CRYL1: variants seen among roughly 807,000 people sequenced by gnomAD.
The protein encoded by CRYL1 is lambda-crystallin homolog.
A neutral mutation model predicts 36.6 loss-of-function variants in CRYL1; 29 were observed. That is an observed-to-expected ratio of 0.79 (90% CI 0.59 to 1.08). The LOEUF (loss-of-function observed/expected upper bound fraction) is 1.08. Among genes scored for constraint, CRYL1 ranks in the 50% least tolerant of loss-of-function variants. CRYL1 has a pLI of 0.00. For missense variants in CRYL1, 411 were observed against 407.9 expected, an observed-to-expected ratio of 1.01 and a Z score of -0.06; for synonymous variants, 152 against 151.5, an observed-to-expected ratio of 1.00 and a Z score of -0.02.
At chr13:20,442,103 G>A (rs1275485664) in intron 3 of CRYL1, among the ~76,000 whole-genome samples, 1 of 152,184 alleles carries the variant, frequency 6.6e-6, no homozygotes, top group East Asian at 1.9e-4. Flanking sequence ...AGCCAGAGAC[G>A]AAGAATGATG....
chr13:20,524,411 C>G (rs1456812534), intron 1 of CRYL1, among the ~76,000 whole-genome samples: 2 of 151,504 alleles, frequency 1.3e-5, no homozygotes, highest in African/African-American at 2.4e-5. Flanking sequence ...GAGTTTCGCT[C>G]TTATTGCCCA....
chr13:20,439,527 A>T, intron 4 of CRYL1, 66 bp downstream of exon 4: 1 of 1,088,206 alleles, frequency 9.2e-7, no homozygotes, highest in Non-Finnish European at 1.3e-6. Context: ...AAAAAAAAAA[A>T]AAAGAAAAAA....
intron 2 of CRYL1, among the ~76,000 whole-genome samples, chr13:20,509,684 T>A (rs528759758): frequency 6.6e-6 from 1 of 152,212 alleles, no homozygotes; most frequent in South Asian, 2.1e-4. Flanking sequence ...TCCCAGCACT[T>A]TGGGAGGCCG....
rs548518274 is a variant in CRYL1, at chr13:20,441,367, G to A, written c.277-1613C>T. Among the ~76,000 whole-genome samples the A allele has an allele frequency of 7.2e-5, 11 of 152,224 alleles. 1 individual carries two copies. The highest frequency in any genetic ancestry group is 1.5e-4 in the Non-Finnish European group (10 of 68,014). ...GATTCCTGTTCCCACTAAAGTTTGG[G>A]AACCACTATTCTGAGGTGTGTGTCC... On this transcript the variant is annotated intron_variant, in intron 3 of 7. Transcript: ENST00000298248.
intron 3 of CRYL1, among the ~76,000 whole-genome samples, chr13:20,440,407 G>C (rs770604171): frequency 6.6e-6 from 1 of 152,220 alleles, no homozygotes; most frequent in Non-Finnish European, 1.5e-5. Context: ...TTAAGGATGA[G>C]AAAAGGCTGC....
At chr13:20,460,585 GC>G (rs1282915159) in intron 3 of CRYL1, among the ~76,000 whole-genome samples, 1 of 125,862 alleles carries the variant, frequency 7.9e-6, no homozygotes, top group African/African-American at 3.0e-5. Context: ...GAGTGCAGTG[GC>G]GCTATCTCGG....
At chr13:20,406,957 G>A (rs926398147) in intron 6 of CRYL1, among the ~76,000 whole-genome samples, 2 of 151,730 alleles carry the variant, frequency 1.3e-5, no homozygotes, top group African/African-American at 4.8e-5. Flanking sequence ...CTGAGCAAGT[G>A]TTCATCTCTC....
chr13:20,475,941 T>C (rs2033157803), intron 3 of CRYL1, among the ~76,000 whole-genome samples: 1 of 151,988 alleles, frequency 6.6e-6, no homozygotes, highest in Non-Finnish European at 1.5e-5. Flanking sequence ...ACTCAGTCAG[T>C]GGAAAGTGGA....
rs372362873 is a variant in CRYL1, at chr13:20,521,573, C to T, written c.41+4181G>A. 3.9e-5 allele frequency among the ~76,000 whole-genome samples: 6 copies of T among 152,054 alleles called. No individual in the cohort carries two copies. The South Asian group carries it at 1.2e-3, about 32-fold the overall frequency. Reference sequence around the variant, plus strand: ...CTGGGGACCTCAAAATGGGAGCCAGCGATAGAGGTAATTCAATGCCCTTCC... The same window carrying T: ...CTGGGGACCTCAAAATGGGAGCCAGTGATAGAGGTAATTCAATGCCCTTCC... On this transcript the variant is annotated intron_variant, in intron 1 of 7. Transcript: ENST00000298248.
At chr13:20,404,385 C>T in intron 7 of CRYL1, 143 bp from the exon 8 acceptor site, 1 of 645,506 alleles carries the variant, frequency 1.5e-6, no homozygotes, top group Non-Finnish European at 2.7e-6. Flanking sequence ...AGCAGCTTTC[C>T]AAATCTTGAA....
chr13:20,521,935 T>G (rs764936166), intron 1 of CRYL1, among the ~76,000 whole-genome samples: 1 of 152,198 alleles, frequency 6.6e-6, no homozygotes, highest in Non-Finnish European at 1.5e-5. Flanking sequence ...ATTTAGTGTC[T>G]AAGCTGACTC....
At chr13:20,440,965 A>G (rs2032338287) in intron 3 of CRYL1, among the ~76,000 whole-genome samples, 1 of 152,170 alleles carries the variant, frequency 6.6e-6, no homozygotes, top group Non-Finnish European at 1.5e-5. Context: ...CATGAGGATG[A>G]AGAGGACACC....
Position 20,519,489 on chromosome 13 carries a change from G to A in CRYL1, c.41+6265C>T, listed in dbSNP as rs192347750. On this transcript the variant is annotated intron_variant, in intron 1 of 7. Coordinates refer to ENST00000298248, the MANE Select transcript of CRYL1 (RefSeq NM_015974.3). ...ACAAATGACACTACATGGGTTGGGCGCAGTGGCTCACGCCTGTAATCCCAG... is the reference window on the plus strand; with the variant it reads ...ACAAATGACACTACATGGGTTGGGCACAGTGGCTCACGCCTGTAATCCCAG... Among the ~76,000 whole-genome samples the A allele has an allele frequency of 1.2e-3, 189 of 152,218 alleles. 1 individual carries two copies. The highest frequency in any genetic ancestry group is 4.1e-3 in the African/African-American group (170 of 41,544).
chr13:20,414,447 G>A (rs1327204025), intron 5 of CRYL1, among the ~76,000 whole-genome samples: 2 of 152,084 alleles, frequency 1.3e-5, no homozygotes, highest in African/African-American at 4.8e-5. Flanking sequence ...ACGGGGCATC[G>A]TAGTAAAAGG....
intron 5 of CRYL1, among the ~76,000 whole-genome samples, chr13:20,421,419 GC>G (rs1423467045): frequency 1.3e-5 from 2 of 152,134 alleles, no homozygotes; most frequent in African/African-American, 2.4e-5. Flanking sequence ...TCCAAAAACA[GC>G]CATGGAGCAC....
At position 20,507,550 on chromosome 13, in the gene CRYL1, G is replaced by T. The variant is rs149833229; in HGVS notation, c.149+4893C>A. Among the ~76,000 whole-genome samples, 892 of 152,206 alleles carry T rather than the reference G, an allele frequency of 5.9e-3. 9 individuals are homozygous for T. Among genetic ancestry groups the T allele is most frequent in the African/African-American group, 0.021 (852 of 41,530 alleles). On this transcript the variant is annotated intron_variant, in intron 2 of 7. Coordinates refer to ENST00000298248, the MANE Select transcript of CRYL1 (RefSeq NM_015974.3). ...GAGGTACTCTCCTTCTCCAGTACTG[G>T]GCCAGCTATGAAGCTAATGTCTCTC...
intron 5 of CRYL1, among the ~76,000 whole-genome samples, chr13:20,421,298 T>A (rs2031808312): frequency 6.6e-6 from 1 of 152,212 alleles, no homozygotes; most frequent in South Asian, 2.1e-4. Flanking sequence ...TGTGTATGAA[T>A]GTGAATACAT....
chr13:20,488,461 T>A (rs1321253295), intron 3 of CRYL1, among the ~76,000 whole-genome samples: 1 of 152,226 alleles, frequency 6.6e-6, no homozygotes, highest in Non-Finnish European at 1.5e-5. Flanking sequence ...ATTGAGAATT[T>A]AACAATTTTA....
chr13:20,454,573 A>C (rs538169913), intron 3 of CRYL1, among the ~76,000 whole-genome samples: 128 of 152,022 alleles, frequency 8.4e-4, no homozygotes, highest in African/African-American at 2.9e-3. Context: ...GCCTGCCACC[A>C]CACCCGGCTA....
Sources: gnomAD v4.1 joint callset for allele counts (sites outside exome capture counted in the v4.1 genomes callset) on GRCh38, gnomAD v4.1.1 for gene constraint, MANE v1.5 for transcripts, NCBI Gene and HGNC (gene_info 2026-07-23, HGNC 2026-07-21) for gene names.